ZDHHC2: variants seen among roughly 807,000 people sequenced by gnomAD.
ZDHHC2 encodes zDHHC palmitoyltransferase 2.
A neutral mutation model predicts 55.6 loss-of-function variants in ZDHHC2; 51 were observed. The observed-to-expected ratio is 0.92, with a 90% CI of 0.73 to 1.16. The LOEUF (loss-of-function observed/expected upper bound fraction) is 1.16, where lower values mean the gene tolerates loss of function less well. ZDHHC2 is among the 50% of genes most tolerant of loss of function. The pLI is 0.00. For synonymous variants in ZDHHC2, 199 were observed against 152.9 expected (o/e 1.30, Z -2.22); for missense variants, 491 against 442.4 (o/e 1.11, Z -0.99).
chr8:17,156,881 C>A, intron 1 of ZDHHC2, 28 bp downstream of exon 1: 3 of 1,480,514 alleles, frequency 2.0e-6, no homozygotes, highest in South Asian at 2.5e-5. Context: ...CGCGGCGCCC[C>A]CAGCGCAGCG....
At chr8:17,207,910 G>T in intron 7 of ZDHHC2, 50 bp from the exon 8 acceptor site, 1 of 1,311,724 alleles carries the variant, frequency 7.6e-7, no homozygotes, top group Non-Finnish European at 9.8e-7. Context: ...AAAAGTAGGG[G>T]AATACATATC....
chr8:17,173,151 C>G (rs1184083569), intron 1 of ZDHHC2, among the ~76,000 whole-genome samples: 1 of 152,096 alleles, frequency 6.6e-6, no homozygotes, highest in Non-Finnish European at 1.5e-5. Context: ...AACGGCTGCC[C>G]AGGACAAAGC....
intron 6 of ZDHHC2, among the ~76,000 whole-genome samples, chr8:17,203,127 T>G (rs1563164377): frequency 1.4e-5 from 2 of 142,726 alleles, no homozygotes; most frequent in Non-Finnish European, 3.0e-5. Flanking sequence ...TGGTGAAATC[T>G]TGGCTCACTG....
At chr8:17,215,977 T>A (rs992762264) in intron 11 of ZDHHC2, among the ~76,000 whole-genome samples, 2 of 152,220 alleles carry the variant, frequency 1.3e-5, no homozygotes, top group Non-Finnish European at 2.9e-5. Context: ...TTACCTAACA[T>A]CTTTTAGACT....
At chr8:17,158,054 G>A (rs1347482765) in intron 1 of ZDHHC2, among the ~76,000 whole-genome samples, 1 of 151,846 alleles carries the variant, frequency 6.6e-6, no homozygotes, top group Non-Finnish European at 1.5e-5. Flanking sequence ...AAAATTTGCT[G>A]TTATTACTTG....
Position 17,220,393 on chromosome 8 carries a change from G to GT in ZDHHC2, c.*176dup, listed in dbSNP as rs930967929. 4.7e-5 allele frequency: 7 copies of GT among 149,852 alleles called. No homozygotes were observed. The highest frequency in any genetic ancestry group is 2.0e-4 in the Admixed American group (3 of 15,070). 9.3% of individuals were successfully genotyped at this position (149,852 alleles called of 1,614,324 possible). On this transcript the variant is annotated 3_prime_UTR_variant, in exon 13 of 13. Coordinates refer to ENST00000262096, the MANE Select transcript of ZDHHC2 (RefSeq NM_016353.5). ...CAAGCCATTGCTTAAAATATAACATGTTTTGGATCCAATACACACATTGTT... is the reference window on the plus strand; with the variant it reads ...CAAGCCATTGCTTAAAATATAACATGTTTTTGGATCCAATACACACATTGTT...
intron 6 of ZDHHC2, among the ~76,000 whole-genome samples, chr8:17,200,456 C>T (rs542484757): frequency 1.3e-5 from 2 of 152,276 alleles, no homozygotes; most frequent in African/African-American, 4.8e-5. Flanking sequence ...ACTGTATACT[C>T]CAGATATATT....
At chr8:17,188,366 C>T (rs1400890272) in intron 3 of ZDHHC2, among the ~76,000 whole-genome samples, 3 of 117,728 alleles carry the variant, frequency 2.5e-5, no homozygotes, top group Non-Finnish European at 4.5e-5. Context: ...GTCTCTTCTG[C>T]CTAGCAATAG....
chr8:17,160,431 T>TA, intron 1 of ZDHHC2, among the ~76,000 whole-genome samples: 1 of 152,326 alleles, frequency 6.6e-6, no homozygotes, highest in South Asian at 2.1e-4. Flanking sequence ...TTCAAAAGCT[T>TA]AAAGGTCATC....
intron 6 of ZDHHC2, among the ~76,000 whole-genome samples, chr8:17,203,791 T>C (rs1040152071): frequency 6.8e-6 from 1 of 147,364 alleles, no homozygotes; most frequent in Non-Finnish European, 1.5e-5. Flanking sequence ...CACGCACAAT[T>C]TGTGGCTTCT....
chr8:17,163,091 G>A (rs562114055), intron 1 of ZDHHC2, among the ~76,000 whole-genome samples: 7 of 152,318 alleles, frequency 4.6e-5, no homozygotes, highest in South Asian at 2.1e-4. Flanking sequence ...GTGAAACTGG[G>A]CATGAATGCA....
At position 17,170,315 on chromosome 8, in the gene ZDHHC2, G is replaced by A. The variant is rs534065925; in HGVS notation, c.130+13462G>A. ...ATAGATATTGTGACCCAGTGCTATC[G>A]TGCAGCAATTACTGCTGGTGCTAGT... On this transcript the variant is annotated intron_variant, in intron 1 of 12. Coordinates refer to ENST00000262096, the MANE Select transcript of ZDHHC2 (RefSeq NM_016353.5). 2.6e-5 allele frequency among the ~76,000 whole-genome samples: 4 copies of A among 152,300 alleles called. No homozygotes were observed. The East Asian group carries it at 5.8e-4, about 22-fold the overall frequency.
Position 17,222,456 on chromosome 8 carries a change from A to G in ZDHHC2, c.*2235A>G, listed in dbSNP as rs1585755755. ...AATGGCTTAACTCGAACTTGAAGAC[A>G]CATACTTCAACTGTCCTTATTGTCC... On this transcript the variant is annotated 3_prime_UTR_variant, in exon 13 of 13. Transcript: ENST00000262096. The G allele has an allele frequency of 1.3e-5, 2 of 151,860 alleles. No homozygotes were observed. Among genetic ancestry groups the G allele is most frequent in the African/African-American group, 4.8e-5 (2 of 41,430 alleles). The allele number at this position is 151,860 out of a possible 1,614,324, so 9.4% of individuals were successfully genotyped here.
At chr8:17,169,656 G>A (rs2150886731) in intron 1 of ZDHHC2, among the ~76,000 whole-genome samples, 1 of 152,298 alleles carries the variant, frequency 6.6e-6, no homozygotes, top group Non-Finnish European at 1.5e-5. Context: ...GACTGAACAT[G>A]ATTTATAAAT....
chr8:17,188,675 T>C (rs539887689), intron 3 of ZDHHC2, among the ~76,000 whole-genome samples: 2 of 152,276 alleles, frequency 1.3e-5, no homozygotes, highest in African/African-American at 2.4e-5. Flanking sequence ...TCTGTGACTT[T>C]ATGTGTCACC....
chr8:17,173,573 C>T (rs1804974227), intron 1 of ZDHHC2, among the ~76,000 whole-genome samples: 4 of 150,918 alleles, frequency 2.7e-5, no homozygotes, highest in African/African-American at 9.8e-5. Context: ...GTCCCAGCTA[C>T]TCAGGAGGCT....
chr8:17,186,420 AAAG>A lies in ZDHHC2; in HGVS notation c.251_252+1del. 1 of 1,534,510 alleles carries A rather than the reference AAAG, an allele frequency of 6.5e-7. No individual in the cohort carries two copies. Among genetic ancestry groups the A allele is most frequent in the Non-Finnish European group, 8.8e-7 (1 of 1,140,418 alleles). On this transcript the variant is annotated inframe_deletion and splice_region_variant, in exon 3 of 13. Transcript: ENST00000262096. ...CTTTACATTACCAATGAATCCTTCA[AAAG>A]AAGTAAGTTAAAATATTAACGAAAT...
chr8:17,202,756 T>C (rs1051784420), intron 6 of ZDHHC2, among the ~76,000 whole-genome samples: 18 of 135,580 alleles, frequency 1.3e-4, no homozygotes, highest in African/African-American at 1.5e-4. Flanking sequence ...CACACACACA[T>C]ATACATGCAC....
At chr8:17,210,089 A>G in intron 9 of ZDHHC2, 31 bp downstream of exon 9, 1 of 1,565,690 alleles carries the variant, frequency 6.4e-7, no homozygotes, top group East Asian at 2.3e-5. Context: ...TCAGGCTTTA[A>G]ACTAATGAAA....
Sources: allele counts gnomAD v4.1 joint callset (sites outside exome capture counted in the v4.1 genomes callset), GRCh38; gene constraint gnomAD v4.1.1; transcripts MANE v1.5; gene names NCBI Gene and HGNC (gene_info 2026-07-23, HGNC 2026-07-21).